CPEB3: variants seen among roughly 807,000 people sequenced by gnomAD.
CPEB3 encodes cytoplasmic polyadenylation element-binding protein 3.
In CPEB3, 20 loss-of-function variants were observed where a neutral mutation model predicts 67.2. The ratio of observed to expected loss-of-function variants is 0.30; its 90% CI spans 0.21 to 0.43. CPEB3 has a LOEUF of 0.43. CPEB3 is among the 20% of genes least tolerant of loss of function. CPEB3 has a pLI of 1.00. For missense variants in CPEB3, 746 were observed against 968.6 expected (o/e 0.77, Z 3.05); for synonymous variants, 376 against 393.1 (o/e 0.96, Z 0.51).
chr10:92,215,039 G>A (rs915353230), intron 2 of CPEB3, among the ~76,000 whole-genome samples: 4 of 151,788 alleles, frequency 2.6e-5, no homozygotes, highest in African/African-American at 9.7e-5. Flanking sequence ...GTGGAGGCGG[G>A]GTTTTGCCAT....
chr10:92,133,609 C>G (rs1845948313), intron 6 of CPEB3, among the ~76,000 whole-genome samples: 1 of 152,202 alleles, frequency 6.6e-6, no homozygotes, highest in African/African-American at 2.4e-5. Context: ...GGTACCATTC[C>G]TTCTAAAACG....
At chr10:92,133,129 A>C (rs1164066761) in intron 6 of CPEB3, among the ~76,000 whole-genome samples, 14 of 152,062 alleles carry the variant, frequency 9.2e-5, no homozygotes, top group Non-Finnish European at 1.3e-4. Context: ...AGAGCAAACA[A>C]ATTCAAAAGC....
chr10:92,215,631 T>TG (rs1850328377), intron 2 of CPEB3, among the ~76,000 whole-genome samples: 1 of 150,910 alleles, frequency 6.6e-6, no homozygotes, highest in South Asian at 2.1e-4. Context: ...TTAGTAGAGA[T>TG]GGGGTTTCAC....
intron 8 of CPEB3, among the ~76,000 whole-genome samples, chr10:92,088,112 A>G (rs920028010): frequency 6.6e-6 from 1 of 152,168 alleles, no homozygotes; most frequent in African/African-American, 2.4e-5. Flanking sequence ...TTTGACATAG[A>G]AAAACCCACA....
In CPEB3 at chr10:92,245,522, TA is replaced by T. The variant is rs532368447; in HGVS notation, c.-11-5162del. On this transcript the variant is annotated intron_variant, in intron 1 of 9. Transcript: ENST00000265997. ...GAATGAATCCACCAAAAGATCTACG[TA>T]AAACAACTAAATGTTTACTTATTCC... Among the ~76,000 whole-genome samples the T allele has an allele frequency of 5.1e-4, 77 of 152,324 alleles. 1 individual carries two copies. Among genetic ancestry groups the T allele is most frequent in the Non-Finnish European group, 1.1e-3 (72 of 68,024 alleles).
intron 9 of CPEB3, among the ~76,000 whole-genome samples, chr10:92,070,130 T>C (rs920451908): frequency 2.6e-5 from 4 of 152,162 alleles, no homozygotes; most frequent in African/African-American, 9.7e-5. Context: ...AACACAGTGT[T>C]TTTCTCAACT....
chr10:92,186,699 T>G (rs2134130008), intron 3 of CPEB3, among the ~76,000 whole-genome samples: 1 of 152,244 alleles, frequency 6.6e-6, no homozygotes, highest in Non-Finnish European at 1.5e-5. Context: ...CCTCCCAAAG[T>G]GCTGGGATTA....
At chr10:92,120,098 C>CAAAAAAAAAAAAAAA (rs34785763) in intron 6 of CPEB3, among the ~76,000 whole-genome samples, 1 of 45,284 alleles carries the variant, frequency 2.2e-5, no homozygotes, top group African/African-American at 1.3e-4. Context: ...ACTAAAAATA[C>CAAAAAAAAAAAAAAA]AAAAAAAAAA....
intron 6 of CPEB3, chr10:92,137,398 G>A (rs1392797015): frequency 4.5e-6 from 5 of 1,105,882 alleles, no homozygotes; most frequent in Middle Eastern, 2.9e-4. Context: ...TGTACTGGAC[G>A]AAGCTGATGA....
chr10:92,284,717 T>G (rs894953891), intron 1 of CPEB3, among the ~76,000 whole-genome samples: 1 of 152,268 alleles, frequency 6.6e-6, no homozygotes, highest in African/African-American at 2.4e-5. Flanking sequence ...ATTTGCAATT[T>G]GATACATTTA....
intron 6 of CPEB3, among the ~76,000 whole-genome samples, chr10:92,113,270 A>G (rs1194219106): frequency 1.3e-5 from 2 of 152,270 alleles, no homozygotes; most frequent in Admixed American, 6.5e-5. Context: ...AGAAAAGACA[A>G]TACATACATC....
At chr10:92,254,059 T>C (rs1428733320) in intron 1 of CPEB3, among the ~76,000 whole-genome samples, 1 of 151,944 alleles carries the variant, frequency 6.6e-6, no homozygotes, top group Non-Finnish European at 1.5e-5. Context: ...TGAGACCTTA[T>C]CTCTACAAAA....
At chr10:92,062,814 T>A (rs1447460527) in intron 9 of CPEB3, among the ~76,000 whole-genome samples, 4 of 152,242 alleles carry the variant, frequency 2.6e-5, no homozygotes, top group Non-Finnish European at 2.9e-5. Flanking sequence ...ACGTTACTGA[T>A]CTATATTACC....
chr10:92,074,115 T>C (rs1316401627), intron 9 of CPEB3, among the ~76,000 whole-genome samples: 1 of 151,074 alleles, frequency 6.6e-6, no homozygotes, highest in Non-Finnish European at 1.5e-5. Flanking sequence ...ATTAAAAAAA[T>C]GGTTTTTTTT....
At chr10:92,089,792 A>G (rs1843540813) in intron 8 of CPEB3, among the ~76,000 whole-genome samples, 1 of 152,214 alleles carries the variant, frequency 6.6e-6, no homozygotes, top group Non-Finnish European at 1.5e-5. Flanking sequence ...CAAAAAAAAA[A>G]GGAACTTCAA....
At chr10:92,139,076 G>A (rs1318206668) in intron 6 of CPEB3, among the ~76,000 whole-genome samples, 2 of 152,020 alleles carry the variant, frequency 1.3e-5, no homozygotes, top group South Asian at 2.1e-4. Flanking sequence ...TTGGGAGTTC[G>A]AGACCAGCCT....
chr10:92,062,244 C>CA (rs35185791), intron 9 of CPEB3, among the ~76,000 whole-genome samples: 78,704 of 119,934 alleles, frequency 0.66, 26,936 homozygotes, highest in African/African-American at 0.81. Context: ...GACCCTGTCT[C>CA]AAAAAAAAAA....
chr10:92,061,073 T>A (rs1004713842), intron 9 of CPEB3, among the ~76,000 whole-genome samples: 1 of 152,194 alleles, frequency 6.6e-6, no homozygotes, highest in African/African-American at 2.4e-5. Flanking sequence ...CCTATGTTTG[T>A]TGCAGCACTG....
chr10:92,215,812 G>A (rs1200102947), intron 2 of CPEB3, among the ~76,000 whole-genome samples: 1 of 137,766 alleles, frequency 7.3e-6, no homozygotes, highest in Non-Finnish European at 1.5e-5. Context: ...GCAGTGGCAC[G>A]ATCTCGGCTC....
Sources: allele counts gnomAD v4.1 joint callset (sites outside exome capture counted in the v4.1 genomes callset), GRCh38; gene constraint gnomAD v4.1.1; transcripts MANE v1.5; gene names NCBI Gene and HGNC (gene_info 2026-07-23, HGNC 2026-07-21).